Variants in ATP13A1 observed in about 807,000 individuals in gnomAD.
The protein encoded by ATP13A1 is ATPase 13A1.
Under a neutral mutation model 134.8 loss-of-function variants are expected in ATP13A1, and 55 were observed. The observed-to-expected ratio is 0.41, with a 90% CI of 0.33 to 0.51. ATP13A1 has a LOEUF of 0.51. Among genes scored for constraint, ATP13A1 ranks in the 20% least tolerant of loss-of-function variants. The probability of loss-of-function intolerance (pLI) is 0.29; values close to 1 mark genes in which losing one functional copy is unlikely to be tolerated. For missense variants in ATP13A1, 1,389 were observed against 1,652.8 expected, an observed-to-expected ratio of 0.84 and a Z score of 2.77; for synonymous variants, 775 against 725.1, an observed-to-expected ratio of 1.07 and a Z score of -1.10.
At chr19:19,652,495 C>A in intron 16 of ATP13A1, 100 bp downstream of exon 16, 13 of 1,451,848 alleles carry the variant, frequency 9.0e-6, no homozygotes, top group Non-Finnish European at 1.1e-5. Context: ...AAACATGCAG[C>A]CTGTGAGACT....
rs779410447 is a variant in ATP13A1, at chr19:19,656,863, C to A, written c.960G>T (p.Gly320=). The A allele has an allele frequency of 1.9e-6, 3 of 1,612,558 alleles. No homozygotes were observed. In the South Asian group the frequency reaches 3.3e-5, roughly 18 times the overall value. ...RPIASDEIVP[G]DIVSIGRSPQ... ...CGGCCTCACCGATGGAGACGATGTC[C>A]CCTGGTACGATCTCATCACTGGCAA... Residue 320 remains glycine, a synonymous_variant, in exon 6 of 26, where the codon GGG becomes GGT. Transcript: ENST00000357324. This position sits in a 1 kb window ranked among gnomAD's most constrained non-coding sequence, Gnocchi z 4.6.
chr19:19,662,873 T>A (rs1285572906), intron 1 of ATP13A1, among the ~76,000 whole-genome samples: 1 of 152,100 alleles, frequency 6.6e-6, no homozygotes, highest in African/African-American at 2.4e-5. Context: ...CCTTACACTT[T>A]GAAAACCAAG....
intron 16 of ATP13A1, among the ~76,000 whole-genome samples, 188 bp from the exon 17 acceptor site, chr19:19,651,985 G>C (rs951697248): frequency 6.6e-6 from 1 of 151,932 alleles, no homozygotes; most frequent in African/African-American, 2.4e-5. Context: ...CAAATGACAC[G>C]TGTATGTGCG....
Position 19,653,485 on chromosome 19 carries a change from G to A in ATP13A1, c.2100+299C>T. On this transcript the variant is annotated intron_variant, in intron 15 of 25. Coordinates refer to ENST00000357324, the MANE Select transcript of ATP13A1 (RefSeq NM_020410.3). This position sits in a 1 kb window ranked among gnomAD's most constrained non-coding sequence, Gnocchi z 4.2. ...CTTTGTGGAGGATGGATGGGTGAGA[G>A]GGCTGAGGATGCCACCTAGCCCTGC... 2 of 438,174 alleles carry A rather than the reference G, an allele frequency of 4.6e-6. No homozygotes were observed. The highest frequency in any genetic ancestry group is 8.2e-6 in the Non-Finnish European group (2 of 244,642). 27.1% of individuals were successfully genotyped at this position (438,174 alleles called of 1,614,324 possible). A position where few individuals can be genotyped will look rare whatever the true frequency, so the allele number is the denominator to read the frequency against.
Position 19,647,069 on chromosome 19 carries a change from T to C in ATP13A1, c.3105+60A>G. 6 of 1,523,560 alleles carry C rather than the reference T, an allele frequency of 3.9e-6. No homozygotes were observed. The highest frequency in any genetic ancestry group is 5.3e-6 in the Non-Finnish European group (6 of 1,126,220). 94.4% of individuals were successfully genotyped at this position (1,523,560 alleles called of 1,614,324 possible). A position where few individuals can be genotyped will look rare whatever the true frequency, so the allele number is the denominator to read the frequency against. On this transcript the variant is annotated intron_variant, in intron 22 of 25. Coordinates refer to ENST00000357324, the MANE Select transcript of ATP13A1 (RefSeq NM_020410.3). This position sits in a 1 kb window ranked among gnomAD's most constrained non-coding sequence, Gnocchi z 4.8. ...TTGGGGATGACAATTCCCGTGCCTA[T>C]ATCAGCCTGGCCCTGGCAGGCCCAT... is the stretch of plus-strand genomic sequence containing the variant.
At chr19:19,648,045 G>A (rs1048392210) in intron 19 of ATP13A1, among the ~76,000 whole-genome samples, 4 of 152,164 alleles carry the variant, frequency 2.6e-5, no homozygotes, top group African/African-American at 9.7e-5. Flanking sequence ...TTGGCCGAGC[G>A]CAGTGGCTCA....
In ATP13A1 at chr19:19,654,613, G is replaced by T; in HGVS notation, c.1743C>A (p.Asp581Glu). ...GAGGGTCACCCACGAGGGTGCCGTCGTCCAGCTGCATGAGCGAGTGGCACG... is the reference window on the plus strand; with the variant it reads ...GAGGGTCACCCACGAGGGTGCCGTCTTCCAGCTGCATGAGCGAGTGGCACG... ...LASCHSLMQL[D>E]DGTLVGDPLE... Residue 581 changes from aspartate (D) to glutamate (E), a missense_variant, in exon 13 of 26, where the codon GAC becomes GAA. Physicochemically the swap from Asp to Glu is conservative, Grantham distance 45 (BLOSUM62 2). Coordinates refer to ENST00000357324, the MANE Select transcript of ATP13A1 (RefSeq NM_020410.3). The T allele has an allele frequency of 6.2e-7, 1 of 1,613,492 alleles. No homozygotes were observed. Among genetic ancestry groups the T allele is most frequent in the Non-Finnish European group, 8.5e-7 (1 of 1,179,866 alleles).
chr19:19,646,921 G>C, intron 22 of ATP13A1: 1 of 597,706 alleles, frequency 1.7e-6, no homozygotes, highest in Non-Finnish European at 2.9e-6. Context: ...CCTGTGGACA[G>C]GTGTGGACGC....
In ATP13A1 at chr19:19,647,174, CT is replaced by C; in HGVS notation, c.3059del (p.Gln1020ArgfsTer48). 6.2e-7 allele frequency: 1 copy of C among 1,613,824 alleles called. No homozygotes were observed. Among genetic ancestry groups the C allele is most frequent in the Non-Finnish European group, 8.5e-7 (1 of 1,179,808 alleles). ...VKFSDFQATL[Q>X]GLLLAGCFLF... ...GGAAGCAGCCGGCCAGCAGCAGCCC[CT>C]GTAGGGTGGCCTGGAAGTCACTGAA... On this transcript the variant is annotated frameshift_variant, in exon 22 of 26. Coordinates refer to ENST00000357324, the MANE Select transcript of ATP13A1 (RefSeq NM_020410.3). LOFTEE classifies it high-confidence loss of function. This position sits in a 1 kb window ranked among gnomAD's most constrained non-coding sequence, Gnocchi z 4.8.
In ATP13A1 at chr19:19,657,081, C is replaced by A. The variant is rs769418568; in HGVS notation, c.819G>T (p.Leu273=). 4 of 1,545,990 alleles carry A rather than the reference C, an allele frequency of 2.6e-6. No individual in the cohort carries two copies. The highest frequency in any genetic ancestry group is 3.5e-6 in the Non-Finnish European group (4 of 1,146,136). The part of the protein sequence containing the change: ...WYYSVFTLSM[L]VAFEASLVQQ... ...GCACCAGCGAGGCCTCGAACGCCAC[C>A]AGCATGGATAGCGTAAAGACGCTGT... The change falls in exon 5 of 26, where the codon CTG becomes CTT. Residue 273 remains leucine (L), a synonymous_variant. Coordinates refer to ENST00000357324, the MANE Select transcript of ATP13A1 (RefSeq NM_020410.3).
chr19:19,653,505 C>G lies in ATP13A1; in HGVS notation c.2100+279G>C. On this transcript the variant is annotated intron_variant, in intron 15 of 25. Transcript: ENST00000357324. The surrounding 1 kb of genome is among the most constrained non-coding windows in gnomAD (Gnocchi z 4.2). ...TGAGAGGGCTGAGGATGCCACCTAG[C>G]CCTGCCCAAGACCAGGGCAAAAGAG... 2.0e-6 allele frequency: 1 copy of G among 489,972 alleles called. No homozygotes were observed. The highest frequency in any genetic ancestry group is 3.6e-6 in the Non-Finnish European group (1 of 276,176). The allele number at this position is 489,972 out of a possible 1,614,324, so 30.4% of individuals were successfully genotyped here. A position where few individuals can be genotyped will look rare whatever the true frequency, so the allele number is the denominator to read the frequency against.
intron 17 of ATP13A1, chr19:19,651,121 GC>G (rs981051618): frequency 6.6e-6 from 1 of 152,174 alleles, no homozygotes; most frequent in African/African-American, 2.4e-5. Flanking sequence ...ACAAAGCAGG[GC>G]CCCGAGAGCT....
chr19:19,649,541 G>C, intron 19 of ATP13A1, 26 bp downstream of exon 19: 1 of 1,607,620 alleles, frequency 6.2e-7, no homozygotes, highest in Non-Finnish European at 8.5e-7. Context: ...GTCCACAAAC[G>C]AAATACCCTA....
rs964120427 is a variant in ATP13A1, at chr19:19,653,033, A to G, written c.2101-313T>C. 3.1e-6 allele frequency: 1 copy of G among 324,366 alleles called. No homozygotes were observed. Among genetic ancestry groups the G allele is most frequent in the Non-Finnish European group, 5.8e-6 (1 of 172,786 alleles). 20.1% of individuals were successfully genotyped at this position (324,366 alleles called of 1,614,324 possible). ...CAATGAAGTAGGGACTCTCCCAATA[A>G]TGTTGGAGTTTAGCCAGGAACTCTT... On this transcript the variant is annotated intron_variant, in intron 15 of 25. Coordinates refer to ENST00000357324, the MANE Select transcript of ATP13A1 (RefSeq NM_020410.3). This position sits in a 1 kb window ranked among gnomAD's most constrained non-coding sequence, Gnocchi z 4.2.
At chr19:19,663,138 A>G in intron 1 of ATP13A1, 133 bp downstream of exon 1, 1 of 1,306,410 alleles carries the variant, frequency 7.7e-7, no homozygotes, top group East Asian at 2.5e-5. Context: ...CAAAGTGTAG[A>G]GGGTGCCCCT....
At chr19:19,657,196 C>T in intron 4 of ATP13A1, 47 bp from the exon 5 acceptor site, 2 of 1,490,708 alleles carry the variant, frequency 1.3e-6, no homozygotes, top group Non-Finnish European at 1.8e-6. Flanking sequence ...GCCCTGTTCC[C>T]ATGAGCCCCT....
At chr19:19,648,515 A>AG (rs1176945785) in intron 19 of ATP13A1, among the ~76,000 whole-genome samples, 2,257 of 150,706 alleles carry the variant, frequency 0.015, 67 homozygotes, top group African/African-American at 0.053. Context: ...AAAAAAAGAA[A>AG]AAAGAAAAAA....
rs748110702 is a variant in ATP13A1, at chr19:19,656,099, C to T, written c.1168G>A (p.Val390Met). 6.2e-7 allele frequency: 1 copy of T among 1,613,762 alleles called. No homozygotes were observed. Among genetic ancestry groups the T allele is most frequent in the East Asian group, 2.2e-5 (1 of 44,872 alleles). Residue 390 changes from valine to methionine, a missense_variant, in exon 8 of 26, where the codon GTG (valine) becomes ATG (methionine). Val to Met is a conservative substitution (Grantham distance 21). Transcript: ENST00000357324. This position sits in a 1 kb window ranked among gnomAD's most constrained non-coding sequence, Gnocchi z 4.6. ...RLHVIFGGTK[V>M]VQHIPPQKAT... ...TTCTGTGGGGGGATGTGCTGCACCA[C>T]CTTGGTGCCCCCGAAGATGACGTGC...
rs994534731 is a variant in ATP13A1 at position 19,656,314 on chromosome 19, C to T, written c.1084-131G>A. 6 of 1,282,382 alleles carry T rather than the reference C, an allele frequency of 4.7e-6. No homozygotes were observed. The highest frequency in any genetic ancestry group is 6.4e-6 in the Non-Finnish European group (6 of 937,064). The allele number at this position is 1,282,382 out of a possible 1,614,324, so 79.4% of individuals were successfully genotyped here. On this transcript the variant is annotated intron_variant, in intron 7 of 25. Coordinates refer to ENST00000357324, the MANE Select transcript of ATP13A1 (RefSeq NM_020410.3). This position sits in a 1 kb window ranked among gnomAD's most constrained non-coding sequence, Gnocchi z 4.6. ...CCCCACCCGACCAATACATCCCACC[C>T]AGCTCCCAGATCCTCACCCTCACCC...
Sources: allele counts gnomAD v4.1 joint callset (sites outside exome capture counted in the v4.1 genomes callset), GRCh38; gene constraint gnomAD v4.1.1; non-coding constraint Gnocchi (gnomAD v3.1); transcripts MANE v1.5; gene names NCBI Gene and HGNC (gene_info 2026-07-23, HGNC 2026-07-21).